Variants in ZNF567 observed in about 807,000 individuals in gnomAD.
The protein encoded by ZNF567 is zinc finger protein 567.
ZNF567 carries 36 observed loss-of-function variants against 53.9 expected under a neutral mutation model. The ratio of observed to expected loss-of-function variants is 0.67; its 90% CI spans 0.51 to 0.88. The LOEUF (loss-of-function observed/expected upper bound fraction) is 0.88, where lower values mean the gene tolerates loss of function less well. Among genes scored for constraint, ZNF567 ranks in the 40% least tolerant of loss-of-function variants. The probability of loss-of-function intolerance (pLI) is 0.00; values close to 1 mark genes in which losing one functional copy is unlikely to be tolerated. For missense variants in ZNF567, 619 were observed against 764.7 expected, an observed-to-expected ratio of 0.81 and a Z score of 2.25; for synonymous variants, 224 against 260.4, an observed-to-expected ratio of 0.86 and a Z score of 1.35.
chr19:36,704,036 A>C (rs1164784859), intron 3 of ZNF567, among the ~76,000 whole-genome samples: 2 of 152,198 alleles, frequency 1.3e-5, no homozygotes, highest in Non-Finnish European at 2.9e-5. Flanking sequence ...TCACGCTGGG[A>C]GCTGTAGACC....
chr19:36,679,272 C>G, the ZNF567 span, among the ~76,000 whole-genome samples: 1 of 152,100 alleles, frequency 6.6e-6, no homozygotes, highest in African/African-American at 2.4e-5. Context: ...GGCGACAGCG[C>G]GAGACTCCAT....
chr19:36,667,615 A>AC, the ZNF567 span, among the ~76,000 whole-genome samples: 1 of 147,558 alleles, frequency 6.8e-6, no homozygotes, highest in Non-Finnish European at 1.5e-5. Context: ...AACAACAACA[A>AC]AAAACTGTAC....
At chr19:36,710,044 T>G (rs144377042) in intron 3 of ZNF567, among the ~76,000 whole-genome samples, 2 of 152,272 alleles carry the variant, frequency 1.3e-5, no homozygotes, top group Non-Finnish European at 1.5e-5. Flanking sequence ...TCTTTTTCTC[T>G]CCCCATTCTG....
chr19:36,724,880 C>T (rs578104937), downstream of ZNF567, among the ~76,000 whole-genome samples: 66 of 151,666 alleles, frequency 4.4e-4, no homozygotes, highest in Admixed American at 3.7e-3. Context: ...GTTCACATTC[C>T]TCCATATTCT....
At chr19:36,709,692 A>G (rs1028432144) in intron 3 of ZNF567, among the ~76,000 whole-genome samples, 6 of 150,196 alleles carry the variant, frequency 4.0e-5, no homozygotes, top group South Asian at 2.1e-4. Flanking sequence ...TCAAACTCCT[A>G]GCTTCAAGCA....
downstream of ZNF567, among the ~76,000 whole-genome samples, chr19:36,721,712 A>G (rs2040301130): frequency 6.6e-6 from 1 of 151,638 alleles, no homozygotes; most frequent in Non-Finnish European, 1.5e-5. Flanking sequence ...TAGGTGAGGA[A>G]AATTTGAGAG....
the ZNF567 span, among the ~76,000 whole-genome samples, chr19:36,675,241 T>G: frequency 1.3e-5 from 2 of 152,126 alleles, no homozygotes; most frequent in Non-Finnish European, 2.9e-5. Context: ...AAATGTTAAA[T>G]GTTAAAGGTA....
the ZNF567 span, among the ~76,000 whole-genome samples, chr19:36,671,369 G>GTGCC: frequency 6.6e-6 from 1 of 152,168 alleles, no homozygotes; most frequent in East Asian, 1.9e-4. Context: ...TCCTCCTACA[G>GTGCC]TCAAAAAGGA....
chr19:36,684,087 A>G (rs1035324550), upstream of ZNF567, among the ~76,000 whole-genome samples: 3 of 152,262 alleles, frequency 2.0e-5, no homozygotes, highest in Admixed American at 2.0e-4. Flanking sequence ...AAAGCTGGAA[A>G]GAACTTACAT....
the ZNF567 span, among the ~76,000 whole-genome samples, chr19:36,667,726 T>C: frequency 6.7e-6 from 1 of 149,164 alleles, no homozygotes; most frequent in African/African-American, 2.5e-5. Context: ...CTCGGCTCAC[T>C]GCAAGCTCCG....
rs1287615808 is a variant in ZNF567, at chr19:36,720,333, G to C, written c.1609G>C (p.Glu537Gln). 6.2e-7 allele frequency: 1 copy of C among 1,614,026 alleles called. No individual in the cohort carries two copies. The highest frequency in any genetic ancestry group is 8.5e-7 in the Non-Finnish European group (1 of 1,180,020). ...HTGEKPYVCNECGKSFRQKAT... is the reference protein window; with the variant it reads ...HTGEKPYVCNQCGKSFRQKAT... ...AGGGGAGAAACCCTATGTTTGTAATGAATGTGGGAAGTCCTTTCGCCAGAA... is the reference window on the plus strand; with the variant it reads ...AGGGGAGAAACCCTATGTTTGTAATCAATGTGGGAAGTCCTTTCGCCAGAA... Residue 537 changes from glutamate to glutamine, a missense_variant, in exon 6 of 6, where the codon GAA (glutamate) becomes CAA (glutamine). Glu to Gln is a conservative substitution (Grantham distance 29). Transcript: ENST00000682579.
chr19:36,710,391 G>A (rs1299837228), intron 3 of ZNF567, among the ~76,000 whole-genome samples: 1 of 125,222 alleles, frequency 8.0e-6, no homozygotes, highest in Non-Finnish European at 1.7e-5. Flanking sequence ...ACTCCTTTTT[G>A]TTTTGTTTTG....
intron 5 of ZNF567, among the ~76,000 whole-genome samples, chr19:36,716,133 A>T (rs1024220115): frequency 6.6e-6 from 1 of 151,898 alleles, no homozygotes; most frequent in Non-Finnish European, 1.5e-5. Context: ...CATTTATTCT[A>T]TGAAATGGAA....
chr19:36,703,533 G>C (rs2039326479), intron 3 of ZNF567: 1 of 152,252 alleles, frequency 6.6e-6, no homozygotes, highest in African/African-American at 2.4e-5. Context: ...GCCCCCAGAG[G>C]TGGAGCCTAC....
chr19:36,685,689 A>G (rs973212716), upstream of ZNF567: 10 of 152,264 alleles, frequency 6.6e-5, no homozygotes, highest in Non-Finnish European at 1.5e-5. Context: ...CAATACAATT[A>G]TATCAATATG....
the ZNF567 span, among the ~76,000 whole-genome samples, chr19:36,679,160 C>T: frequency 1.3e-5 from 2 of 152,074 alleles, no homozygotes; most frequent in South Asian, 4.2e-4. Flanking sequence ...GTGGTACGCA[C>T]CTGTCGTCCC....
chr19:36,676,010 G>A, the ZNF567 span, among the ~76,000 whole-genome samples: 1 of 138,220 alleles, frequency 7.2e-6, no homozygotes, highest in African/African-American at 2.7e-5. Context: ...TGTAGCCACT[G>A]TCAGCATGTT....
rs775503843 is a variant in ZNF567, at chr19:36,719,564, C to T, written c.840C>T (p.Pro280=). ...AGGGAATTCACTCAGAAGAAAAACCCTATCAATGTCATCAATGTGGAAATG... is the reference window on the plus strand; with the variant it reads ...AGGGAATTCACTCAGAAGAAAAACCTTATCAATGTCATCAATGTGGAAATG... ...LHQGIHSEEK[P]YQCHQCGNAF... Residue 280 remains proline (P), a synonymous_variant, in exon 6 of 6, where the codon CCC becomes CCT. Coordinates refer to ENST00000682579, the MANE Select transcript of ZNF567 (RefSeq NM_001322917.1). The T allele has an allele frequency of 1.9e-6, 3 of 1,613,942 alleles. No homozygotes were observed. Among genetic ancestry groups the T allele is most frequent in the East Asian group, 4.5e-5 (2 of 44,882 alleles).
At chr19:36,716,493 G>C (rs1174565366) in intron 5 of ZNF567, among the ~76,000 whole-genome samples, 1 of 152,034 alleles carries the variant, frequency 6.6e-6, no homozygotes, top group Non-Finnish European at 1.5e-5. Flanking sequence ...GGATTTTTAA[G>C]GATGCTTAAG....
Sources: allele counts gnomAD v4.1 joint callset (sites outside exome capture counted in the v4.1 genomes callset), GRCh38; gene constraint gnomAD v4.1.1; transcripts MANE v1.5; gene names NCBI Gene and HGNC (gene_info 2026-07-23, HGNC 2026-07-21).